Variants in HEMK2 observed in about 807,000 individuals in gnomAD.
The protein encoded by HEMK2 is methyltransferase HEMK2.
the HEMK2 span, among the ~76,000 whole-genome samples, chr21:28,583,651 T>C: frequency 0.86 from 130,511 of 152,222 alleles, 56,762 homozygotes; most frequent in Non-Finnish European, 0.91. Flanking sequence ...TCAGAGAACA[T>C]GTCTATCTTT....
the HEMK2 span, among the ~76,000 whole-genome samples, chr21:28,708,720 T>G: frequency 6.6e-6 from 1 of 152,222 alleles, no homozygotes. Context: ...CTGTCATTCT[T>G]TATTCAAAAC....
the HEMK2 span, among the ~76,000 whole-genome samples, chr21:28,753,902 A>G: frequency 6.6e-6 from 1 of 152,222 alleles, no homozygotes; most frequent in Non-Finnish European, 1.5e-5. Flanking sequence ...GTGGAATTCC[A>G]AAGGTTACTA....
At chr21:28,718,711 T>C in the HEMK2 span, among the ~76,000 whole-genome samples, 1 of 152,174 alleles carries the variant, frequency 6.6e-6, no homozygotes, top group African/African-American at 2.4e-5. Context: ...ATTTTAAATA[T>C]GCTGCATTTT....
At chr21:28,736,022 G>A in the HEMK2 span, among the ~76,000 whole-genome samples, 1 of 152,166 alleles carries the variant, frequency 6.6e-6, no homozygotes, top group African/African-American at 2.4e-5. Flanking sequence ...TAAATGGTGG[G>A]AAAACAGATT....
the HEMK2 span, among the ~76,000 whole-genome samples, chr21:28,630,138 G>A: frequency 2.2e-4 from 34 of 152,088 alleles, no homozygotes; most frequent in African/African-American, 4.8e-5. Flanking sequence ...TCTTAAGGCC[G>A]ATTTGCTGTA....
At chr21:28,601,283 T>A in the HEMK2 span, among the ~76,000 whole-genome samples, 1 of 152,148 alleles carries the variant, frequency 6.6e-6, no homozygotes, top group Non-Finnish European at 1.5e-5. Context: ...TGGCTTTCAA[T>A]GACCTGCATT....
the HEMK2 span, among the ~76,000 whole-genome samples, chr21:28,640,158 G>T: frequency 2.6e-5 from 4 of 152,188 alleles, no homozygotes; most frequent in Non-Finnish European, 5.9e-5. Flanking sequence ...CAGGGAATGG[G>T]GAGGGAAGAT....
At chr21:28,848,549 T>C in the HEMK2 span, among the ~76,000 whole-genome samples, 2 of 152,200 alleles carry the variant, frequency 1.3e-5, no homozygotes, top group Non-Finnish European at 1.5e-5. Context: ...AAAATAGTTT[T>C]AGCATTTTAA....
chr21:28,690,530 T>C, the HEMK2 span, among the ~76,000 whole-genome samples: 4 of 152,144 alleles, frequency 2.6e-5, no homozygotes, highest in Admixed American at 2.0e-4. Context: ...TCTAAGTTTA[T>C]AGCAATTTGT....
the HEMK2 span, among the ~76,000 whole-genome samples, chr21:28,620,388 G>T: frequency 3.3e-5 from 5 of 151,994 alleles, no homozygotes; most frequent in African/African-American, 7.2e-5. Flanking sequence ...CTGTGAATCC[G>T]TCTGGTCCTG....
the HEMK2 span, among the ~76,000 whole-genome samples, chr21:28,841,219 TA>T: frequency 1.7e-4 from 2 of 11,438 alleles, no homozygotes; most frequent in African/African-American, 6.4e-4. Context: ...ATATTATATA[TA>T]TTATATATTA....
chr21:28,641,445 G>A, the HEMK2 span, among the ~76,000 whole-genome samples: 1 of 152,234 alleles, frequency 6.6e-6, no homozygotes, highest in Admixed American at 6.5e-5. Context: ...CTATATAATG[G>A]CTTAAGGCCT....
the HEMK2 span, among the ~76,000 whole-genome samples, chr21:28,609,246 G>C: frequency 3.3e-5 from 5 of 152,088 alleles, no homozygotes; most frequent in African/African-American, 1.2e-4. Context: ...ACACTCCCCA[G>C]TACCAGCTTG....
chr21:28,728,692 T>C, the HEMK2 span, among the ~76,000 whole-genome samples: 1 of 152,230 alleles, frequency 6.6e-6, no homozygotes, highest in East Asian at 1.9e-4. Flanking sequence ...GTTAAAACTG[T>C]TCTCCATGCC....
At chr21:28,793,791 A>T in the HEMK2 span, among the ~76,000 whole-genome samples, 1 of 152,182 alleles carries the variant, frequency 6.6e-6, no homozygotes, top group Non-Finnish European at 1.5e-5. Flanking sequence ...AAGCACAGAG[A>T]AGAAGAGAAA....
chr21:28,873,199 T>G, the HEMK2 span: 1 of 152,218 alleles, frequency 6.6e-6, no homozygotes, highest in African/African-American at 2.4e-5. Flanking sequence ...TACTCTCTCC[T>G]TGATATCCCA....
chr21:28,661,945 T>C, the HEMK2 span, among the ~76,000 whole-genome samples: 1 of 152,160 alleles, frequency 6.6e-6, no homozygotes, highest in African/African-American at 2.4e-5. Flanking sequence ...AGTTAGGATG[T>C]AGTCAGGAAG....
the HEMK2 span, among the ~76,000 whole-genome samples, chr21:28,820,766 T>C: frequency 6.6e-6 from 1 of 152,258 alleles, no homozygotes; most frequent in Non-Finnish European, 1.5e-5. Flanking sequence ...TTTGGGTTAC[T>C]ATATTTCTGG....
the HEMK2 span, among the ~76,000 whole-genome samples, chr21:28,622,993 T>C: frequency 6.6e-6 from 1 of 152,122 alleles, no homozygotes; most frequent in Non-Finnish European, 1.5e-5. Context: ...TGGGATCGAA[T>C]GAAACTAAAG....
Sources: allele counts gnomAD v4.1 joint callset (sites outside exome capture counted in the v4.1 genomes callset), GRCh38; gene constraint gnomAD v4.1.1; transcripts MANE v1.5; gene names NCBI Gene and HGNC (gene_info 2026-07-23, HGNC 2026-07-21).